RPS6KA2: variants seen among roughly 807,000 people sequenced by gnomAD.
The protein encoded by RPS6KA2 is ribosomal protein S6 kinase A2.
A neutral mutation model predicts 91.8 loss-of-function variants in RPS6KA2; 42 were observed. The observed-to-expected ratio is 0.46, with a 90% CI of 0.36 to 0.59. The LOEUF (loss-of-function observed/expected upper bound fraction) is 0.59. Ranked by LOEUF, RPS6KA2 falls within the 20% of genes least tolerant of loss-of-function variation. The probability of loss-of-function intolerance (pLI) is 0.00; values close to 1 mark genes in which losing one functional copy is unlikely to be tolerated. For missense variants in RPS6KA2, 798 were observed against 978.5 expected (o/e 0.82, Z 2.46); for synonymous variants, 414 against 393.6 (o/e 1.05, Z -0.61).
chr6:166,690,943 A>G (rs923389804), intron 2 of RPS6KA2, among the ~76,000 whole-genome samples: 1 of 152,236 alleles, frequency 6.6e-6, no homozygotes, highest in African/African-American at 2.4e-5. Context: ...AAAGGACATT[A>G]ATTACATGAA....
At chr6:166,558,015 T>C (rs985429319) in intron 1 of RPS6KA2, among the ~76,000 whole-genome samples, 2 of 151,898 alleles carry the variant, frequency 1.3e-5, no homozygotes, top group Non-Finnish European at 2.9e-5. Flanking sequence ...TATATATAGG[T>C]GTGTATGTAT....
intron 3 of RPS6KA2, among the ~76,000 whole-genome samples, chr6:166,518,443 A>G (rs1782736678): frequency 6.6e-6 from 1 of 150,412 alleles, no homozygotes; most frequent in South Asian, 2.1e-4. Flanking sequence ...ACAAAAAAAT[A>G]TGATTATCTT....
chr6:166,832,430 G>A (rs1260692458), intron 2 of RPS6KA2, among the ~76,000 whole-genome samples: 2 of 152,136 alleles, frequency 1.3e-5, no homozygotes, highest in African/African-American at 4.8e-5. Flanking sequence ...CAGAGCCCAG[G>A]CTTGGAACCC....
chr6:166,687,215 C>G (rs1280921786), intron 2 of RPS6KA2, among the ~76,000 whole-genome samples: 1 of 152,196 alleles, frequency 6.6e-6, no homozygotes, highest in Non-Finnish European at 1.5e-5. Context: ...TCCTGCGTGC[C>G]AGGAGCCATG....
At chr6:166,535,063 CTG>C (rs1783436755) in intron 2 of RPS6KA2, among the ~76,000 whole-genome samples, 1 of 152,242 alleles carries the variant, frequency 6.6e-6, no homozygotes, top group Non-Finnish European at 1.5e-5. Context: ...CAAAACAACA[CTG>C]TAACCTCGAG....
intron 8 of RPS6KA2, among the ~76,000 whole-genome samples, chr6:166,496,668 G>A (rs1170633323): frequency 6.6e-6 from 1 of 152,152 alleles, no homozygotes; most frequent in Non-Finnish European, 1.5e-5. Flanking sequence ...TTACACAAAG[G>A]CTGGCCCGCA....
intron 2 of RPS6KA2, among the ~76,000 whole-genome samples, chr6:166,803,629 T>C (rs1779422230): frequency 6.6e-6 from 1 of 152,222 alleles, no homozygotes; most frequent in South Asian, 2.1e-4. Context: ...AGCTGACTAA[T>C]TCGGATTTCA....
rs1386730400 is a variant in RPS6KA2 at position 166,612,573 on chromosome 6, G to A, written c.99+14348C>T. On this transcript the variant is annotated intron_variant, in intron 1 of 20. Coordinates refer to ENST00000265678, the MANE Select transcript of RPS6KA2 (RefSeq NM_021135.6). The surrounding 1 kb of genome is among the most constrained non-coding windows in gnomAD (Gnocchi z 4.3). ...ATGAGCTCTGAGCTGGGGCCTTGCT[G>A]CCCGACTGCCTCCACTAATCCTGCT... 6.6e-6 allele frequency among the ~76,000 whole-genome samples: 1 copy of A among 152,172 alleles called. No homozygotes were observed. Among genetic ancestry groups the A allele is most frequent in the Non-Finnish European group, 1.5e-5 (1 of 68,032 alleles).
At chr6:166,513,126 C>T (rs539352233) in intron 3 of RPS6KA2, among the ~76,000 whole-genome samples, 5 of 152,272 alleles carry the variant, frequency 3.3e-5, no homozygotes, top group South Asian at 2.1e-4. Flanking sequence ...AGAAAGTTTA[C>T]GAATTTGGGT....
At position 166,413,783 on chromosome 6, in the gene RPS6KA2, C is replaced by T. The variant is rs547079730; in HGVS notation, c.2076+11G>A. 1 of 1,613,802 alleles carries T rather than the reference C, an allele frequency of 6.2e-7. No individual in the cohort carries two copies. The highest frequency in any genetic ancestry group is 1.1e-5 in the South Asian group (1 of 91,044). The stretch of plus-strand genomic sequence containing the variant: ...TCCCACCACTCTGTCCTCACTGTCG[C>T]CTGCCGGTACCTTCACCAGGTGCAC... On this transcript the variant is annotated intron_variant, in intron 20 of 20. Coordinates refer to ENST00000265678, the MANE Select transcript of RPS6KA2 (RefSeq NM_021135.6).
At position 166,430,565 on chromosome 6, in the gene RPS6KA2, C is replaced by T. The variant is rs200672567; in HGVS notation, c.1469G>A (p.Arg490His). 166 of 1,613,908 alleles carry T rather than the reference C, an allele frequency of 1.0e-4. 1 individual carries two copies. The highest frequency in any genetic ancestry group is 6.6e-4 in the Middle Eastern group (4 of 6,082). The change falls in exon 16 of 21, where the codon CGT (arginine) becomes CAT (histidine). Residue 490 changes from arginine (R) to histidine (H), a missense_variant. Physicochemically the swap from Arg to His is conservative, Grantham distance 29. Coordinates refer to ENST00000265678, the MANE Select transcript of RPS6KA2 (RefSeq NM_021135.6). ...KFVYLVMELMRGGELLDRILR... is the reference protein window; with the variant it reads ...KFVYLVMELMHGGELLDRILR... ...GATGCGGTCCAGGAGCTCCCCACCA[C>T]GCATCAGCTCCATTACCAGGTACAC... is the stretch of plus-strand genomic sequence containing the variant.
chr6:166,850,648 A>C (rs4710120), intron 2 of RPS6KA2, among the ~76,000 whole-genome samples: 1 of 152,154 alleles, frequency 6.6e-6, no homozygotes, highest in South Asian at 2.1e-4. Flanking sequence ...CCTCGGCCAG[A>C]GTCACAGATC....
chr6:166,586,192 G>A (rs1785164609), intron 1 of RPS6KA2: 3 of 1,584,368 alleles, frequency 1.9e-6, no homozygotes, highest in Non-Finnish European at 2.5e-6. Context: ...TAAGGTTCTT[G>A]TCTGTGTTGC....
intron 2 of RPS6KA2, among the ~76,000 whole-genome samples, chr6:166,756,487 T>G (rs894915349): frequency 6.6e-6 from 1 of 152,264 alleles, no homozygotes; most frequent in Admixed American, 6.5e-5. Context: ...TGACCTGGTT[T>G]GGATCCTAAT....
chr6:166,530,331 C>T (rs1783223617), intron 3 of RPS6KA2, among the ~76,000 whole-genome samples: 1 of 152,188 alleles, frequency 6.6e-6, no homozygotes, highest in African/African-American at 2.4e-5. Flanking sequence ...AGCACCCACC[C>T]TAAAAGGCTT....
intron 2 of RPS6KA2, among the ~76,000 whole-genome samples, chr6:166,811,062 G>A (rs902862169): frequency 7.9e-5 from 12 of 152,192 alleles, no homozygotes; most frequent in Admixed American, 6.5e-5. Context: ...CCAAGAATAC[G>A]ATGACATCAC....
intron 1 of RPS6KA2, among the ~76,000 whole-genome samples, chr6:166,577,073 G>C (rs1473865483): frequency 6.6e-6 from 1 of 152,236 alleles, no homozygotes; most frequent in African/African-American, 2.4e-5. Flanking sequence ...GCTTCCATGT[G>C]GTGTTGAGCC....
At chr6:166,570,904 T>G (rs1784666161) in intron 1 of RPS6KA2, among the ~76,000 whole-genome samples, 1 of 152,256 alleles carries the variant, frequency 6.6e-6, no homozygotes, top group South Asian at 2.1e-4. Context: ...GTAATAGTGT[T>G]TAACCCAGTT....
intron 2 of RPS6KA2, among the ~76,000 whole-genome samples, chr6:166,681,183 G>A (rs774104914): frequency 2.2e-4 from 33 of 152,178 alleles, no homozygotes; most frequent in Admixed American, 5.2e-4. Context: ...AAAATGCAAG[G>A]AAGGATGTAC....
Sources: gnomAD v4.1 joint callset for allele counts (sites outside exome capture counted in the v4.1 genomes callset) on GRCh38, gnomAD v4.1.1 for gene constraint, Gnocchi (gnomAD v3.1) non-coding constraint, MANE v1.5 for transcripts, NCBI Gene and HGNC (gene_info 2026-07-23, HGNC 2026-07-21) for gene names.